The following COX10 variants were observed in gnomAD, a reference collection of about 807,000 sequenced individuals.
COX10 encodes the protein protoheme IX farnesyltransferase, mitochondrial.
In COX10, 27 loss-of-function variants were observed where a neutral mutation model predicts 37.3. That is an observed-to-expected ratio of 0.72 (90% CI 0.53 to 1.00). The LOEUF (loss-of-function observed/expected upper bound fraction) is 1.00, where lower values mean the gene tolerates loss of function less well. Ranked by LOEUF, COX10 falls within the 50% of genes least tolerant of loss-of-function variation. The probability of loss-of-function intolerance (pLI) is 0.00; values close to 1 mark genes in which losing one functional copy is unlikely to be tolerated. For synonymous variants in COX10, 222 were observed against 229.1 expected (o/e 0.97, Z 0.28); for missense variants, 475 against 563.2 (o/e 0.84, Z 1.59).
chr17:14,095,404 G>T (rs1015279320), intron 3 of COX10, among the ~76,000 whole-genome samples: 1 of 152,000 alleles, frequency 6.6e-6, no homozygotes, highest in African/African-American at 2.4e-5. Context: ...GGCCCTCATC[G>T]CCTCCCACCT....
At chr17:14,075,409 A>G (rs1915118390) in intron 2 of COX10, among the ~76,000 whole-genome samples, 1 of 152,186 alleles carries the variant, frequency 6.6e-6, no homozygotes, top group South Asian at 2.1e-4. Context: ...AGTTATCAGC[A>G]TAGGTGGCTC....
At chr17:14,160,058 C>A in intron 5 of COX10, 111 bp downstream of exon 5, 1 of 937,612 alleles carries the variant, frequency 1.1e-6, no homozygotes, top group South Asian at 1.4e-5. Context: ...ATAAAATACC[C>A]ACAAAGAAAC....
In COX10 at chr17:14,196,073, G is replaced by A. The variant is rs570758106; in HGVS notation, c.928+3852G>A. On this transcript the variant is annotated intron_variant, in intron 6 of 6. Transcript: ENST00000261643. ...AAAAAAATGGCCAAAAAGGTTTCCC[G>A]TCTTCTGTGGTATTGCCAAGCACTT... Among the ~76,000 whole-genome samples the A allele has an allele frequency of 3.6e-4, 55 of 152,132 alleles. 1 individual carries two copies. Among genetic ancestry groups the A allele is most frequent in the South Asian group, 1.2e-3 (6 of 4,822 alleles).
chr17:14,129,617 C>T (rs77824253), intron 4 of COX10, among the ~76,000 whole-genome samples: 2 of 152,152 alleles, frequency 1.3e-5, no homozygotes, highest in African/African-American at 4.8e-5. Context: ...TTGACTGTTT[C>T]ATTAAGGCCC....
chr17:14,106,772 TA>T (rs1352196747), intron 4 of COX10, among the ~76,000 whole-genome samples: 1 of 152,140 alleles, frequency 6.6e-6, no homozygotes, highest in East Asian at 1.9e-4. Flanking sequence ...ATTGGCCATT[TA>T]GGGGTTTTTT....
Position 14,104,677 on chromosome 17 carries a change from T to A in COX10, c.624+2435T>A, listed in dbSNP as rs150686147. Among the ~76,000 whole-genome samples, 83 of 152,244 alleles carry A rather than the reference T, an allele frequency of 5.5e-4. 1 individual carries two copies. Among genetic ancestry groups the A allele is most frequent in the African/African-American group, 1.8e-3 (73 of 41,588 alleles). On this transcript the variant is annotated intron_variant, in intron 4 of 6. Transcript: ENST00000261643. ...TATTAATATTTTCTTTTAGCAGTTA[T>A]TCATTTAGTTTTCAGTATTCTTTGT...
chr17:14,070,784 T>C (rs1915002511), intron 1 of COX10, among the ~76,000 whole-genome samples: 1 of 152,258 alleles, frequency 6.6e-6, no homozygotes. Context: ...GGCTGTCTTC[T>C]GGTCTGTGTG....
At chr17:14,089,680 A>G (rs1295366864) in intron 3 of COX10, among the ~76,000 whole-genome samples, 4 of 152,182 alleles carry the variant, frequency 2.6e-5, no homozygotes, top group African/African-American at 7.2e-5. Context: ...TTTATCCAAG[A>G]TTCTACCATC....
intron 5 of COX10, among the ~76,000 whole-genome samples, chr17:14,169,685 T>C (rs1017931707): frequency 1.3e-5 from 2 of 152,202 alleles, no homozygotes; most frequent in Non-Finnish European, 2.9e-5. Flanking sequence ...GGGAGTTAGA[T>C]TTAGAGCCTC....
chr17:14,126,495 G>T (rs942618518), intron 4 of COX10, among the ~76,000 whole-genome samples: 2 of 152,106 alleles, frequency 1.3e-5, no homozygotes, highest in Non-Finnish European at 2.9e-5. Context: ...TTTTCTCTTT[G>T]CAGTGTTCTG....
At chr17:14,158,200 A>T (rs61242948) in intron 4 of COX10, among the ~76,000 whole-genome samples, 247 of 152,164 alleles carry the variant, frequency 1.6e-3, no homozygotes, top group African/African-American at 5.8e-3. Flanking sequence ...TCGTATTGGA[A>T]AATGTCATTG....
At chr17:14,083,429 T>A (rs1198894412) in intron 3 of COX10, among the ~76,000 whole-genome samples, 1 of 152,260 alleles carries the variant, frequency 6.6e-6, no homozygotes, top group Admixed American at 6.5e-5. Context: ...GATTCATTTA[T>A]AGCTAATGAT....
chr17:14,185,279 C>A (rs930185482), intron 5 of COX10, among the ~76,000 whole-genome samples: 1 of 142,426 alleles, frequency 7.0e-6, no homozygotes, highest in Non-Finnish European at 1.5e-5. Context: ...TGGGAAGAGC[C>A]GATGGTTTTT....
At chr17:14,102,084 G>A (rs746652425) in intron 3 of COX10, 34 bp from the exon 4 acceptor site, 9 of 1,613,126 alleles carry the variant, frequency 5.6e-6, no homozygotes, top group Non-Finnish European at 3.4e-6. Flanking sequence ...ACTCCTGTTG[G>A]TAACAGTGTG....
intron 4 of COX10, among the ~76,000 whole-genome samples, chr17:14,154,660 G>A (rs554525202): frequency 3.0e-4 from 45 of 152,302 alleles, no homozygotes; most frequent in African/African-American, 1.1e-3. Flanking sequence ...TCTAATCAAC[G>A]GATGCAGACA....
rs186510265 is a variant in COX10 at position 14,088,596 on chromosome 17, A to G, written c.499+11540A>G. Among the ~76,000 whole-genome samples the G allele has an allele frequency of 2.2e-4, 33 of 152,356 alleles. 1 individual carries two copies. The South Asian group carries it at 3.1e-3, about 14-fold the overall frequency. On this transcript the variant is annotated intron_variant, in intron 3 of 6. Coordinates refer to ENST00000261643, the MANE Select transcript of COX10 (RefSeq NM_001303.4). ...AGGGGAAGGTAAAGATAAATTTTGT[A>G]AGAATGATAATCACTCTCAAAATAT...
At chr17:14,113,239 C>T (rs1164055221) in intron 4 of COX10, among the ~76,000 whole-genome samples, 1 of 152,074 alleles carries the variant, frequency 6.6e-6, no homozygotes, top group African/African-American at 2.4e-5. Context: ...TTCATTTTCT[C>T]ATCACAGAAA....
chr17:14,205,354 C>T (rs187806330), intron 6 of COX10, among the ~76,000 whole-genome samples: 10 of 152,306 alleles, frequency 6.6e-5, no homozygotes, highest in Admixed American at 2.0e-4. Flanking sequence ...AGAGAAGCCA[C>T]CTCTGGTCCC....
At chr17:14,161,542 G>A (rs185857418) in intron 5 of COX10, among the ~76,000 whole-genome samples, 2 of 152,274 alleles carry the variant, frequency 1.3e-5, no homozygotes, top group East Asian at 3.9e-4. Flanking sequence ...TGTCTGTGAG[G>A]GTGTTTCCAG....
Sources: gnomAD v4.1 joint callset for allele counts (sites outside exome capture counted in the v4.1 genomes callset) on GRCh38, gnomAD v4.1.1 for gene constraint, MANE v1.5 for transcripts, NCBI Gene and HGNC (gene_info 2026-07-23, HGNC 2026-07-21) for gene names.